ST13: variants seen among roughly 807,000 people sequenced by gnomAD.
ST13 encodes hsc70-interacting protein.
In ST13, 23 loss-of-function variants were observed where a neutral mutation model predicts 56.7. The ratio of observed to expected loss-of-function variants is 0.41; its 90% CI spans 0.29 to 0.57. ST13 has a LOEUF of 0.57. ST13 is among the 20% of genes least tolerant of loss of function. The pLI is 0.36. For synonymous variants in ST13, 132 were observed against 142.4 expected (o/e 0.93, Z 0.52); for missense variants, 369 against 459.9 (o/e 0.80, Z 1.81).
chr22:40,827,212 T>C lies in ST13; in HGVS notation c.865A>G (p.Met289Val), dbSNP rs770474108. Residue 289 changes from methionine to valine, a missense_variant, in exon 11 of 12, where the codon ATG becomes GTG. Physicochemically the swap from Met to Val is conservative, Grantham distance 21. This residue lies in a region of ST13 where 136 missense variants were observed against 159.2 expected (regional missense o/e 0.85). Coordinates refer to ENST00000216218, the MANE Select transcript of ST13 (RefSeq NM_003932.5). ...GSFPGGFPGG[M>V]PGNFPGGMPG... ...ATTCCTCCGGGAAAATTACCAGGCATTCCCCCAGGAAAGCCACCTGTAATA... is the reference window on the plus strand; with the variant it reads ...ATTCCTCCGGGAAAATTACCAGGCACTCCCCCAGGAAAGCCACCTGTAATA... 17 of 1,613,584 alleles carry C rather than the reference T, an allele frequency of 1.1e-5. No individual in the cohort carries two copies. The highest frequency in any genetic ancestry group is 1.4e-5 in the Non-Finnish European group (17 of 1,179,994).
chr22:40,833,313 T>C (rs999973220), intron 7 of ST13, among the ~76,000 whole-genome samples: 9 of 152,122 alleles, frequency 5.9e-5, no homozygotes, highest in Admixed American at 1.3e-4. Flanking sequence ...CTCACGTCTG[T>C]AATCCCAGCA....
chr22:40,848,604 G>C (rs1301856824), intron 2 of ST13, among the ~76,000 whole-genome samples: 1 of 152,084 alleles, frequency 6.6e-6, no homozygotes, highest in East Asian at 1.9e-4. Flanking sequence ...TTAGCCGGAC[G>C]TGGTGGTGCC....
At chr22:40,853,361 A>T (rs905583625) in intron 1 of ST13, among the ~76,000 whole-genome samples, 6 of 147,998 alleles carry the variant, frequency 4.1e-5, no homozygotes, top group African/African-American at 7.4e-5. Flanking sequence ...TAAAAACTTT[A>T]AAAAAAAAAG....
At chr22:40,830,766 A>T in intron 9 of ST13, 74 bp downstream of exon 9, 1 of 872,954 alleles carries the variant, frequency 1.1e-6, no homozygotes, top group South Asian at 1.7e-5. Context: ...GCCAGGAATT[A>T]AAATTTTAGT....
chr22:40,849,187 T>G (rs1056957044), intron 2 of ST13, among the ~76,000 whole-genome samples: 3 of 152,140 alleles, frequency 2.0e-5, no homozygotes, highest in African/African-American at 7.2e-5. Flanking sequence ...CTTAAAAAAT[T>G]AGAACCAAGG....
chr22:40,835,388 CTTTT>C (rs2145736658), intron 7 of ST13, 168 bp downstream of exon 7: 1 of 395,254 alleles, frequency 2.5e-6, no homozygotes, highest in Non-Finnish European at 4.6e-6. Flanking sequence ...TTTTTTTTTT[CTTTT>C]ACCTTTTAAG....
At chr22:40,846,241 C>T (rs2057830719) in intron 3 of ST13, among the ~76,000 whole-genome samples, 2 of 152,164 alleles carry the variant, frequency 1.3e-5, no homozygotes, top group African/African-American at 4.8e-5. Flanking sequence ...TGACCTCAGG[C>T]ATACCTCATT....
intron 4 of ST13, among the ~76,000 whole-genome samples, chr22:40,843,832 C>T (rs2057816744): frequency 6.7e-6 from 1 of 149,814 alleles, no homozygotes; most frequent in Non-Finnish European, 1.5e-5. Context: ...TGCCAGTGAA[C>T]AGCCAATAAA....
chr22:40,842,929 A>G lies in ST13; in HGVS notation c.315+1910T>C, dbSNP rs956889275. Among the ~76,000 whole-genome samples, 14 of 152,282 alleles carry G rather than the reference A, an allele frequency of 9.2e-5. No individual in the cohort carries two copies. The East Asian group carries it at 1.9e-3, about 21-fold the overall frequency. On this transcript the variant is annotated intron_variant, in intron 4 of 11. Transcript: ENST00000216218. ...CACTCTGGAAGGCCAGGAGTTTGAG[A>G]TTTTGTCTCTACTAAGAATTTTTAA...
intron 7 of ST13, among the ~76,000 whole-genome samples, chr22:40,832,941 T>C (rs1455804854): frequency 6.6e-6 from 1 of 152,264 alleles, no homozygotes; most frequent in Non-Finnish European, 1.5e-5. Flanking sequence ...AATATCGTAA[T>C]TTTCTAAGTA....
chr22:40,833,287 T>G (rs1174319733), intron 7 of ST13, among the ~76,000 whole-genome samples: 1 of 152,124 alleles, frequency 6.6e-6, no homozygotes, highest in Non-Finnish European at 1.5e-5. Flanking sequence ...AGAAGCTGTG[T>G]GGCTGGGCGC....
At chr22:40,827,308 T>C in intron 10 of ST13, 79 bp from the exon 11 acceptor site, 1 of 1,470,002 alleles carries the variant, frequency 6.8e-7, no homozygotes, top group South Asian at 1.2e-5. Flanking sequence ...AAGTACAGGT[T>C]CAAAGAATAT....
At chr22:40,826,699 G>C (rs1454914018) in intron 11 of ST13, 33 bp from the exon 12 acceptor site, 2 of 1,605,332 alleles carry the variant, frequency 1.2e-6, no homozygotes, top group Non-Finnish European at 1.7e-6. Flanking sequence ...TATTTAAAAA[G>C]TGTCCTACTG....
chr22:40,856,003 T>C (rs2057891534), intron 1 of ST13, among the ~76,000 whole-genome samples: 2 of 152,166 alleles, frequency 1.3e-5, no homozygotes, highest in African/African-American at 4.8e-5. Flanking sequence ...TTTAACTTAC[T>C]AGTGTTATAT....
chr22:40,847,124 CA>C (rs951298112), intron 3 of ST13, among the ~76,000 whole-genome samples: 97 of 152,034 alleles, frequency 6.4e-4, no homozygotes, highest in African/African-American at 2.3e-3. Flanking sequence ...AATTTGTGGC[CA>C]AAAAACCAAC....
chr22:40,831,064 T>C (rs1258529169), intron 8 of ST13, 108 bp from the exon 9 acceptor site: 4 of 751,466 alleles, frequency 5.3e-6, no homozygotes, highest in Non-Finnish European at 8.8e-6. Flanking sequence ...TTCAGAAAAA[T>C]GACAGATTTG....
chr22:40,848,357 C>T lies in ST13; in HGVS notation c.181G>A (p.Asp61Asn). Residue 61 changes from aspartate to asparagine, a missense_variant, in exon 3 of 12, where the codon GAT becomes AAT. Physicochemically the swap from Asp to Asn is conservative, Grantham distance 23. Coordinates refer to ENST00000216218, the MANE Select transcript of ST13 (RefSeq NM_003932.5). ...SEENTKEEKP[D>N]SKKVEEDLKA... ...AAGTCTTCCTCCACCTTCTTACTATCAGGTTTTTCTTCCTAGCAAAGGGAA... is the reference window on the plus strand; with the variant it reads ...AAGTCTTCCTCCACCTTCTTACTATTAGGTTTTTCTTCCTAGCAAAGGGAA... 6.2e-7 allele frequency: 1 copy of T among 1,611,990 alleles called. No homozygotes were observed.
At chr22:40,854,152 C>T (rs912352102) in intron 1 of ST13, among the ~76,000 whole-genome samples, 1 of 152,174 alleles carries the variant, frequency 6.6e-6, no homozygotes, top group Non-Finnish European at 1.5e-5. Flanking sequence ...TTGAGTAACC[C>T]TAACAGTAGC....
At chr22:40,837,656 A>AT (rs2057784364) in intron 5 of ST13, among the ~76,000 whole-genome samples, 1 of 152,040 alleles carries the variant, frequency 6.6e-6, no homozygotes, top group South Asian at 2.1e-4. Flanking sequence ...CAAAAAAAAA[A>AT]GGTCTTGCTC....
Sources: allele counts gnomAD v4.1 joint callset (sites outside exome capture counted in the v4.1 genomes callset), GRCh38; gene constraint gnomAD v4.1.1; regional missense constraint gnomAD v4.1.1; transcripts MANE v1.5; gene names NCBI Gene and HGNC (gene_info 2026-07-23, HGNC 2026-07-21).